The following BABAM2 variants were observed in gnomAD, a reference collection of about 807,000 sequenced individuals.
BABAM2 encodes the protein BRISC and BRCA1 A complex member 2, also known as BRISC and BRCA1-A complex member 2.
A neutral mutation model predicts 54.7 loss-of-function variants in BABAM2; 31 were observed. The observed-to-expected ratio is 0.57, with a 90% CI of 0.43 to 0.77. The LOEUF is 0.77. BABAM2 is among the 30% of genes least tolerant of loss of function. The pLI is 0.00. For missense variants in BABAM2, 364 were observed against 455.8 expected, an observed-to-expected ratio of 0.80 and a Z score of 1.83; for synonymous variants, 167 against 162.9, an observed-to-expected ratio of 1.03 and a Z score of -0.19.
chr2:28,072,758 T>G (rs1172725109), intron 6 of BABAM2, among the ~76,000 whole-genome samples: 1 of 152,234 alleles, frequency 6.6e-6, no homozygotes, highest in African/African-American at 2.4e-5. Flanking sequence ...GCTACCAGAT[T>G]GATTATGGTT....
At position 27,902,092 on chromosome 2, in the gene BABAM2, C is replaced by G. The variant is rs889946634; in HGVS notation, c.128+7408C>G. 2.0e-5 allele frequency among the ~76,000 whole-genome samples: 3 copies of G among 152,112 alleles called. No homozygotes were observed. The East Asian group carries it at 5.8e-4, about 29-fold the overall frequency. Reference sequence around the variant, plus strand: ...TCATTCTTCTGCTGATTGACTGTTACACTGTTTAAATTATTTTTTTGACAA... The same window carrying G: ...TCATTCTTCTGCTGATTGACTGTTAGACTGTTTAAATTATTTTTTTGACAA... On this transcript the variant is annotated intron_variant, in intron 2 of 11. Transcript: ENST00000379624.
intron 7 of BABAM2, among the ~76,000 whole-genome samples, chr2:28,139,153 C>T (rs1215648312): frequency 2.0e-5 from 3 of 151,278 alleles, no homozygotes; most frequent in Admixed American, 6.6e-5. Flanking sequence ...TTCAGCTGGG[C>T]GCAATGGCTC....
At chr2:28,320,422 C>T (rs1287817595) in intron 11 of BABAM2, among the ~76,000 whole-genome samples, 1 of 152,264 alleles carries the variant, frequency 6.6e-6, no homozygotes, top group African/African-American at 2.4e-5. Context: ...ACCTGCATGT[C>T]AGCGCTGTCG....
intron 4 of BABAM2, among the ~76,000 whole-genome samples, chr2:27,991,404 T>C (rs1255050593): frequency 6.6e-6 from 1 of 152,230 alleles, no homozygotes; most frequent in East Asian, 1.9e-4. Flanking sequence ...AGACAATTTA[T>C]ATGCCGTACA....
chr2:28,024,357 G>T (rs1675494431), intron 4 of BABAM2, among the ~76,000 whole-genome samples: 1 of 151,020 alleles, frequency 6.6e-6, no homozygotes, highest in South Asian at 2.1e-4. Flanking sequence ...AGTGAGCCGA[G>T]ATCGCACCAC....
intron 7 of BABAM2, among the ~76,000 whole-genome samples, chr2:28,221,620 T>G (rs886206220): frequency 6.6e-6 from 1 of 152,236 alleles, no homozygotes; most frequent in Non-Finnish European, 1.5e-5. Flanking sequence ...GCTATCTTCC[T>G]GGTGGCTGTA....
intron 2 of BABAM2, among the ~76,000 whole-genome samples, chr2:27,911,370 A>C (rs1454130765): frequency 2.0e-5 from 3 of 152,212 alleles, no homozygotes; most frequent in Non-Finnish European, 4.4e-5. Context: ...TAAATATTTT[A>C]AAATTCTTTC....
chr2:28,310,577 G>T (rs538027717), intron 11 of BABAM2: 2 of 157,814 alleles, frequency 1.3e-5, no homozygotes, highest in East Asian at 1.8e-4. Context: ...AGCTTATCAG[G>T]ATAGTCACAC....
At chr2:28,207,865 T>C (rs1331360189) in intron 7 of BABAM2, among the ~76,000 whole-genome samples, 3 of 152,224 alleles carry the variant, frequency 2.0e-5, no homozygotes, top group African/African-American at 7.2e-5. Flanking sequence ...GGTGTGCTTC[T>C]CTGTAACTTA....
rs147770941 is a variant in BABAM2, at chr2:28,074,554, T to A, written c.570+28755T>A. Among the ~76,000 whole-genome samples the A allele has an allele frequency of 3.3e-3, 500 of 152,356 alleles. 2 individuals carry two copies. Among genetic ancestry groups the A allele is most frequent in the African/African-American group, 0.012 (479 of 41,574 alleles). On this transcript the variant is annotated intron_variant, in intron 6 of 11. Coordinates refer to ENST00000379624, the MANE Select transcript of BABAM2 (RefSeq NM_199191.3). Reference sequence around the variant, plus strand: ...AAATTTAGCCTTTTATGTGTTTGTATGTTTGTGAATAAAACAGGGTTTTTA... The same window carrying A: ...AAATTTAGCCTTTTATGTGTTTGTAAGTTTGTGAATAAAACAGGGTTTTTA...
Position 28,070,930 on chromosome 2 carries a change from C to G in BABAM2, c.570+25131C>G, listed in dbSNP as rs544083464. 3.9e-5 allele frequency among the ~76,000 whole-genome samples: 6 copies of G among 152,278 alleles called. No homozygotes were observed. In the East Asian group the frequency reaches 1.2e-3, roughly 29 times the overall value. ...ACAGTTAAGAGCCTGAGCAAGAGCT[C>G]AAGCTCTTAGTGAGATCATAGCACA... On this transcript the variant is annotated intron_variant, in intron 6 of 11. Coordinates refer to ENST00000379624, the MANE Select transcript of BABAM2 (RefSeq NM_199191.3).
intron 10 of BABAM2, among the ~76,000 whole-genome samples, chr2:28,260,704 T>C (rs1010446550): frequency 6.6e-6 from 1 of 152,212 alleles, no homozygotes; most frequent in Non-Finnish European, 1.5e-5. Context: ...AAAAGCATGA[T>C]TGGGATTGCA....
At chr2:28,268,712 T>G (rs1282624940) in intron 10 of BABAM2, among the ~76,000 whole-genome samples, 1 of 152,208 alleles carries the variant, frequency 6.6e-6, no homozygotes, top group Non-Finnish European at 1.5e-5. Flanking sequence ...AGATCACAAA[T>G]GCCGGCCCCC....
rs35534083 is a variant in BABAM2 at position 27,986,352 on chromosome 2, G to GT, written c.206-1631dup. ...TAGTCTGTCAGCTTTTAATAGCAGG[G>GT]TTTTTTTTTTGTTTGATCTTTAATG... On this transcript the variant is annotated intron_variant, in intron 3 of 11. Transcript: ENST00000379624. 1.6e-3 allele frequency among the ~76,000 whole-genome samples: 241 copies of GT among 148,328 alleles called. 1 individual carries two copies. The highest frequency in any genetic ancestry group is 3.4e-3 in the Middle Eastern group (1 of 294).
At chr2:28,021,864 T>TC (rs1675294705) in intron 4 of BABAM2, among the ~76,000 whole-genome samples, 1 of 152,182 alleles carries the variant, frequency 6.6e-6, no homozygotes, top group Non-Finnish European at 1.5e-5. Context: ...CTCCTTTATC[T>TC]CCCCACAGAC....
At position 28,304,412 on chromosome 2, in the gene BABAM2, A is replaced by G. The variant is rs956212275; in HGVS notation, c.1088+5921A>G. ...ATATAAATATAAAATATTTATAAAT[A>G]TATAAAAATATAAACAAAATTTTTA... On this transcript the variant is annotated intron_variant, in intron 11 of 11. Transcript: ENST00000379624. The surrounding 1 kb of genome is among the most constrained non-coding windows in gnomAD (Gnocchi z 4.0). 2.0e-5 allele frequency among the ~76,000 whole-genome samples: 3 copies of G among 149,928 alleles called. No homozygotes were observed. The highest frequency in any genetic ancestry group is 1.5e-5 in the Non-Finnish European group (1 of 67,494).
At chr2:27,929,424 T>G (rs1667938508) in intron 2 of BABAM2, among the ~76,000 whole-genome samples, 1 of 152,190 alleles carries the variant, frequency 6.6e-6, no homozygotes, top group Non-Finnish European at 1.5e-5. Flanking sequence ...AGTGGGCTCT[T>G]TTTTGTACTA....
chr2:28,091,295 T>C (rs192227863), intron 6 of BABAM2, among the ~76,000 whole-genome samples: 139 of 152,330 alleles, frequency 9.1e-4, no homozygotes, highest in Non-Finnish European at 1.6e-3. Flanking sequence ...GATGGATAGG[T>C]GATACATAGG....
At chr2:28,261,776 C>T (rs1264461602) in intron 10 of BABAM2, among the ~76,000 whole-genome samples, 1 of 150,776 alleles carries the variant, frequency 6.6e-6, no homozygotes, top group Non-Finnish European at 1.5e-5. Context: ...TTCCCCTCCC[C>T]TCCCCTCCCC....
Sources: gnomAD v4.1 joint callset for allele counts (sites outside exome capture counted in the v4.1 genomes callset) on GRCh38, gnomAD v4.1.1 for gene constraint, Gnocchi (gnomAD v3.1) non-coding constraint, MANE v1.5 for transcripts, NCBI Gene and HGNC (gene_info 2026-07-23, HGNC 2026-07-21) for gene names.